WRN: variants seen among roughly 807,000 people sequenced by gnomAD.
The protein encoded by WRN is bifunctional 3'-5' exonuclease/ATP-dependent helicase WRN.
Under a neutral mutation model 180.7 loss-of-function variants are expected in WRN, and 149 were observed. That is an observed-to-expected ratio of 0.82 (90% confidence interval 0.72 to 0.94). WRN has a LOEUF of 0.94. Ranked by LOEUF, WRN falls within the 40% of genes least tolerant of loss-of-function variation. The probability of loss-of-function intolerance (pLI) is 0.00; values close to 1 mark genes in which losing one functional copy is unlikely to be tolerated. For synonymous variants in WRN, 548 were observed against 568.9 expected (o/e 0.96, Z 0.52); for missense variants, 1,661 against 1,700.1 (o/e 0.98, Z 0.40).
chr8:31,139,793 C>T (rs548281704), intron 24 of WRN, among the ~76,000 whole-genome samples: 1 of 152,222 alleles, frequency 6.6e-6, no homozygotes, highest in Admixed American at 6.5e-5. Context: ...TCACTTCCTG[C>T]TTATACCTGT....
intron 33 of WRN, among the ~76,000 whole-genome samples, chr8:31,159,747 C>A (rs1803535839): frequency 6.6e-6 from 1 of 151,916 alleles, no homozygotes; most frequent in African/African-American, 2.4e-5. Context: ...GAGTTCAAGA[C>A]CAGCCTGGCC....
chr8:31,047,216 C>T (rs1458124634), intron 1 of WRN, among the ~76,000 whole-genome samples: 1 of 150,176 alleles, frequency 6.7e-6, no homozygotes, highest in Admixed American at 6.7e-5. Flanking sequence ...GATCGTGGCT[C>T]ACTGCAACCT....
chr8:31,111,880 C>A, intron 19 of WRN, 81 bp downstream of exon 19: 1 of 1,504,408 alleles, frequency 6.6e-7, no homozygotes. Context: ...ATGTTATTTA[C>A]GATTTCCTTC....
chr8:31,129,742 C>T (rs1198276325), intron 23 of WRN, among the ~76,000 whole-genome samples: 1 of 152,110 alleles, frequency 6.6e-6, no homozygotes, highest in Non-Finnish European at 1.5e-5. Flanking sequence ...TGCGTTGGCT[C>T]ACGCCTGTAA....
intron 23 of WRN, among the ~76,000 whole-genome samples, chr8:31,130,010 AAAAACAAAAC>A (rs796179359): frequency 0.017 from 2,010 of 118,514 alleles, 123 homozygotes; most frequent in African/African-American, 0.052. Flanking sequence ...GTCTCAAAAA[AAAAACAAAAC>A]AAAACAAAAA....
At chr8:31,163,739 C>G (rs2162071) in intron 33 of WRN, among the ~76,000 whole-genome samples, 50,453 of 151,788 alleles carry the variant, frequency 0.33, 9,294 homozygotes, top group East Asian at 0.61. Flanking sequence ...AAAACTTATC[C>G]TTCGGTTAAT....
At chr8:31,120,143 A>T in intron 20 of WRN, 100 bp from the exon 21 acceptor site, 1 of 1,391,410 alleles carries the variant, frequency 7.2e-7, no homozygotes. Context: ...TGTGCCAGGG[A>T]CTTAAGTTAA....
intron 4 of WRN, among the ~76,000 whole-genome samples, 180 bp downstream of exon 4, chr8:31,064,614 C>A (rs1216255466): frequency 6.6e-6 from 1 of 152,090 alleles, no homozygotes; most frequent in South Asian, 2.1e-4. Flanking sequence ...CACAACATAC[C>A]TGTGAGGCAT....
At position 31,173,482 on chromosome 8, in the gene WRN, T is replaced by A. The variant is rs915520142; in HGVS notation, c.*380T>A. 1.5e-5 allele frequency: 3 copies of A among 200,816 alleles called. No individual in the cohort carries two copies. The highest frequency in any genetic ancestry group is 3.1e-5 in the Non-Finnish European group (3 of 97,092). 12.4% of individuals were successfully genotyped at this position (200,816 alleles called of 1,614,324 possible). A position where few individuals can be genotyped will look rare whatever the true frequency, so the allele number is the denominator to read the frequency against. On this transcript the variant is annotated 3_prime_UTR_variant, in exon 35 of 35. Coordinates refer to ENST00000298139, the MANE Select transcript of WRN (RefSeq NM_000553.6). Reference sequence around the variant, plus strand: ...AATTATGTGATATAAAATATTCATATATTATCAAAATTCTGTTTTGTAAAT... The same window carrying A: ...AATTATGTGATATAAAATATTCATAAATTATCAAAATTCTGTTTTGTAAAT...
intron 24 of WRN, among the ~76,000 whole-genome samples, chr8:31,137,117 A>G (rs950728866): frequency 6.6e-6 from 1 of 150,800 alleles, no homozygotes; most frequent in Non-Finnish European, 1.5e-5. Context: ...AAAAGGGAAT[A>G]TGATTCCTTT....
chr8:31,172,379 G>A (rs1804137037), intron 34 of WRN, among the ~76,000 whole-genome samples: 1 of 152,180 alleles, frequency 6.6e-6, no homozygotes. Flanking sequence ...CTGCTGAAAT[G>A]TGTGTGAAAG....
chr8:31,125,537 G>GATAGATATATATATATATATAT (rs1554529384), intron 23 of WRN, among the ~76,000 whole-genome samples: 2 of 63,764 alleles, frequency 3.1e-5, no homozygotes, highest in East Asian at 8.3e-4. Flanking sequence ...ATATTATGGA[G>GATAGATATATATATATATATAT]ATATATATAT....
chr8:31,156,280 T>C (rs1350292190), intron 32 of WRN, among the ~76,000 whole-genome samples: 1 of 152,252 alleles, frequency 6.6e-6, no homozygotes, highest in Non-Finnish European at 1.5e-5. Flanking sequence ...ATGTGAAGAC[T>C]GTTATATCTT....
intron 24 of WRN, among the ~76,000 whole-genome samples, chr8:31,136,119 C>A (rs886884824): frequency 6.6e-6 from 1 of 152,172 alleles, no homozygotes; most frequent in African/African-American, 2.4e-5. Context: ...ACTTCCTTGG[C>A]TTCCTGAGTA....
In WRN at chr8:31,100,716, A is replaced by G. The variant is rs11574273; in HGVS notation, c.1982-133A>G. 0.076 allele frequency: 54,202 copies of G among 712,076 alleles called. 3,364 individuals carry two copies. The highest frequency in any genetic ancestry group is 0.26 in the African/African-American group (14,644 of 55,896). The allele number at this position is 712,076 out of a possible 1,614,324, so 44.1% of individuals were successfully genotyped here. The stretch of plus-strand genomic sequence containing the variant: ...AATGATTTTTGGTGTTAATATGATG[A>G]TATTTATGCTTCTGTTTTTATAGGA... On this transcript the variant is annotated intron_variant, in intron 17 of 34. Coordinates refer to ENST00000298139, the MANE Select transcript of WRN (RefSeq NM_000553.6).
In WRN at chr8:31,130,004, C is replaced by CAAAAAA. The variant is rs374855114; in HGVS notation, c.2826-2356_2826-2351dup. Among the ~76,000 whole-genome samples, 15 of 78,034 alleles carry CAAAAAA rather than the reference C, an allele frequency of 1.9e-4. 1 individual carries two copies. Among genetic ancestry groups the CAAAAAA allele is most frequent in the South Asian group, 4.7e-4 (1 of 2,108 alleles). The allele number at this position is 78,034 out of a possible 152,430, so 51.2% of individuals were successfully genotyped here. ...TGGCGACAGAGCGACACTCTTGTCTCAAAAAAAAAACAAAACAAAACAAAA... is the reference window on the plus strand; with the variant it reads ...TGGCGACAGAGCGACACTCTTGTCTCAAAAAAAAAAAAAAAACAAAACAAAACAAAA... On this transcript the variant is annotated intron_variant, in intron 23 of 34. Transcript: ENST00000298139.
At chr8:31,098,410 C>G (rs551544590) in intron 17 of WRN, among the ~76,000 whole-genome samples, 1 of 152,248 alleles carries the variant, frequency 6.6e-6, no homozygotes, top group South Asian at 2.1e-4. Context: ...CTTAATACTT[C>G]TGACAAGTAG....
At chr8:31,171,277 A>T (rs570785516) in intron 34 of WRN, 1 of 151,984 alleles carries the variant, frequency 6.6e-6, no homozygotes, top group Non-Finnish European at 1.5e-5. Context: ...TTTGCAATCT[A>T]TGCATCTGAC....
chr8:31,170,487 C>T (rs950337706), intron 34 of WRN, among the ~76,000 whole-genome samples: 2 of 152,078 alleles, frequency 1.3e-5, no homozygotes, highest in Non-Finnish European at 2.9e-5. Flanking sequence ...GTTTTCATGA[C>T]AAATGTATCA....
Sources: gnomAD v4.1 joint callset for allele counts (sites outside exome capture counted in the v4.1 genomes callset) on GRCh38, gnomAD v4.1.1 for gene constraint, MANE v1.5 for transcripts, NCBI Gene and HGNC (gene_info 2026-07-23, HGNC 2026-07-21) for gene names.